PTPRK: variants seen among roughly 807,000 people sequenced by gnomAD.
The protein encoded by PTPRK is protein tyrosine phosphatase receptor type K.
In PTPRK, 75 loss-of-function variants were observed where a neutral mutation model predicts 178.0. The observed-to-expected ratio is 0.42, with a 90% CI of 0.35 to 0.51. The LOEUF (loss-of-function observed/expected upper bound fraction) is 0.51. PTPRK is among the 20% of genes least tolerant of loss of function. The pLI is 0.02. For missense variants in PTPRK, 1,441 were observed against 1,797.8 expected, an observed-to-expected ratio of 0.80 and a Z score of 3.59; for synonymous variants, 637 against 620.6, an observed-to-expected ratio of 1.03 and a Z score of -0.39.
intron 3 of PTPRK, among the ~76,000 whole-genome samples, chr6:128,303,307 A>C (rs948090368): frequency 2.6e-5 from 4 of 151,914 alleles, no homozygotes; most frequent in Admixed American, 1.3e-4. Flanking sequence ...GTTCCACTAA[A>C]CTCTACCCCC....
intron 7 of PTPRK, among the ~76,000 whole-genome samples, chr6:128,160,734 AATAAT>A (rs1220751359): frequency 6.6e-6 from 1 of 151,496 alleles, no homozygotes; most frequent in African/African-American, 2.4e-5. Context: ...GCAAATAATA[AATAAT>A]ATGTTAGAAA....
rs913300266 is a variant in PTPRK at position 128,520,351 on chromosome 6, G to T, written c.8C>A (p.Thr3Lys). The T allele has an allele frequency of 6.2e-7, 1 of 1,607,080 alleles. No individual in the cohort carries two copies. Among genetic ancestry groups the T allele is most frequent in the Non-Finnish European group, 8.5e-7 (1 of 1,176,590 alleles). Residue 3 changes from threonine to lysine, a missense_variant, in exon 1 of 30, where the codon ACG becomes AAG. Around this residue, in one of 4 missense-constraint regions of PTPRK, gnomAD observed 158 missense variants for 188.0 expected, o/e 0.84. Coordinates refer to ENST00000368226, the MANE Select transcript of PTPRK (RefSeq NM_002844.4). ...AGCAGGCAGCGCCGCCGCCGCAGTC[G>T]TATCCATGCCGAGTTTGGGAGAAGT... MDTTAAAALPAFV... is the reference protein window; with the variant it reads MDKTAAAALPAFV...
Position 127,985,873 on chromosome 6 carries a change from C to A in PTPRK, c.3099G>T (p.Arg1033Ser), listed in dbSNP as rs61757811. 10 of 1,608,822 alleles carry A rather than the reference C, an allele frequency of 6.2e-6. No individual in the cohort carries two copies. The highest frequency in any genetic ancestry group is 4.4e-5 in the South Asian group (4 of 90,824). Residue 1033 changes from arginine (R) to serine (S), a missense_variant and splice_region_variant, in exon 22 of 30, where the codon AGG (arginine) becomes AGT (serine). Around this residue, in one of 4 missense-constraint regions of PTPRK, gnomAD observed 945 missense variants for 1,080.6 expected, o/e 0.87. Coordinates refer to ENST00000368226, the MANE Select transcript of PTPRK (RefSeq NM_002844.4). ...TAACTTCACGGATTTCATTGTACCC[C>A]CTCTGTGCAAAGATGGAAAGAAATG... ...YVVRTFTLER[R>S]GYNEIREVKQ...
intron 13 of PTPRK, among the ~76,000 whole-genome samples, chr6:128,061,396 C>T (rs1562512562): frequency 6.6e-6 from 1 of 152,166 alleles, no homozygotes; most frequent in Admixed American, 6.6e-5. Context: ...GGACACACTG[C>T]AAACTGGAAT....
At chr6:128,344,703 G>C (rs1263464078) in intron 2 of PTPRK, among the ~76,000 whole-genome samples, 1 of 151,986 alleles carries the variant, frequency 6.6e-6, no homozygotes, top group Non-Finnish European at 1.5e-5. Flanking sequence ...TTTTGGAAAA[G>C]ATGGGGTTTT....
chr6:128,359,958 T>C (rs975635849), intron 2 of PTPRK, among the ~76,000 whole-genome samples: 1 of 152,154 alleles, frequency 6.6e-6, no homozygotes, highest in African/African-American at 2.4e-5. Flanking sequence ...CATTTTCCAC[T>C]GTATTAGTTC....
intron 1 of PTPRK, among the ~76,000 whole-genome samples, chr6:128,418,561 A>G (rs1843093120): frequency 6.6e-6 from 1 of 152,152 alleles, no homozygotes; most frequent in Non-Finnish European, 1.5e-5. Flanking sequence ...CCTGAGGTGG[A>G]ACGGTGTCCT....
At chr6:128,439,739 G>C (rs1007856731) in intron 1 of PTPRK, among the ~76,000 whole-genome samples, 1 of 152,134 alleles carries the variant, frequency 6.6e-6, no homozygotes, top group Non-Finnish European at 1.5e-5. Flanking sequence ...CAAATAGATA[G>C]ACTTCTAAAC....
chr6:128,062,618 G>A (rs561070149), intron 13 of PTPRK: 44 of 166,978 alleles, frequency 2.6e-4, no homozygotes, highest in Non-Finnish European at 5.1e-4. Flanking sequence ...TTAGCATAAT[G>A]ATAAGATAGT....
chr6:128,479,067 C>T (rs566003916), intron 1 of PTPRK, among the ~76,000 whole-genome samples: 2 of 152,142 alleles, frequency 1.3e-5, no homozygotes, highest in African/African-American at 4.8e-5. Flanking sequence ...CCTCAGCAAA[C>T]ACTGACTCTA....
At chr6:128,490,648 G>A (rs1002473389) in intron 1 of PTPRK, among the ~76,000 whole-genome samples, 7 of 152,128 alleles carry the variant, frequency 4.6e-5, no homozygotes, top group Admixed American at 2.6e-4. Flanking sequence ...TGGGGCAGTC[G>A]CTCAACCTCT....
chr6:128,291,287 C>T (rs1183156925), intron 3 of PTPRK, among the ~76,000 whole-genome samples: 1 of 152,126 alleles, frequency 6.6e-6, no homozygotes, highest in Non-Finnish European at 1.5e-5. Flanking sequence ...AGATGGCCTT[C>T]TGAGGCTACA....
intron 7 of PTPRK, among the ~76,000 whole-genome samples, chr6:128,135,241 T>C (rs139589133): frequency 1.3e-5 from 2 of 152,238 alleles, no homozygotes; most frequent in Admixed American, 6.5e-5. Flanking sequence ...ACAAAAAATA[T>C]GTGGGGTTTC....
In PTPRK at chr6:128,064,003, C is replaced by T. The variant is rs142990273; in HGVS notation, c.2194+755G>A. On this transcript the variant is annotated intron_variant, in intron 13 of 29. Transcript: ENST00000368226. ...AGAACCAACCCTTTGAGGAGGCCCA[C>T]GTCTGCATGCAGACAGCTTTTTCAT... 6.8e-3 allele frequency among the ~76,000 whole-genome samples: 1,032 copies of T among 152,316 alleles called. 9 individuals carry two copies. The highest frequency in any genetic ancestry group is 0.023 in the African/African-American group (976 of 41,574).
chr6:128,130,366 G>A (rs1236130865), intron 7 of PTPRK, among the ~76,000 whole-genome samples: 3 of 152,072 alleles, frequency 2.0e-5, no homozygotes, highest in Admixed American at 1.3e-4. Context: ...TTTGTTGCCC[G>A]GGCATATATG....
chr6:128,095,823 T>C (rs954018919), intron 7 of PTPRK, among the ~76,000 whole-genome samples: 13 of 152,340 alleles, frequency 8.5e-5, no homozygotes, highest in Admixed American at 5.2e-4. Context: ...TACGCTCTTA[T>C]CTACAAACAA....
intron 14 of PTPRK, among the ~76,000 whole-genome samples, chr6:128,007,443 T>A (rs1778565743): frequency 6.6e-6 from 1 of 150,856 alleles, no homozygotes; most frequent in Non-Finnish European, 1.5e-5. Context: ...ATGTTAAATA[T>A]TTTAATAGAG....
chr6:128,041,193 T>A (rs1181189729), intron 13 of PTPRK, among the ~76,000 whole-genome samples: 1 of 152,066 alleles, frequency 6.6e-6, no homozygotes, highest in African/African-American at 2.4e-5. Flanking sequence ...AACCTAAAAG[T>A]TTTAAACACA....
At chr6:128,167,778 A>C (rs529403540) in intron 7 of PTPRK, among the ~76,000 whole-genome samples, 69 of 152,182 alleles carry the variant, frequency 4.5e-4, no homozygotes, top group Admixed American at 1.4e-3. Flanking sequence ...TATTAGTAAC[A>C]GTTCTATCAT....
Sources: gnomAD v4.1 joint callset for allele counts (sites outside exome capture counted in the v4.1 genomes callset) on GRCh38, gnomAD v4.1.1 for gene constraint, gnomAD v4.1.1 regional missense constraint, MANE v1.5 for transcripts, NCBI Gene and HGNC (gene_info 2026-07-23, HGNC 2026-07-21) for gene names.